Variants in ADCY2 observed in about 807,000 individuals in gnomAD.
ADCY2 encodes adenylate cyclase type 2.
ADCY2 carries 31 observed loss-of-function variants against 125.2 expected under a neutral mutation model. The ratio of observed to expected loss-of-function variants is 0.25; its 90% confidence interval spans 0.19 to 0.33. ADCY2 has a LOEUF of 0.33. Ranked by LOEUF, ADCY2 falls within the 10% of genes least tolerant of loss-of-function variation. ADCY2 has a pLI of 1.00. For missense variants in ADCY2, 904 were observed against 1,418.2 expected (o/e 0.64, Z 5.82); for synonymous variants, 512 against 548.4 (o/e 0.93, Z 0.93).
chr5:7,666,006 T>TG (rs1287410786), intron 4 of ADCY2, among the ~76,000 whole-genome samples: 2 of 150,122 alleles, frequency 1.3e-5, no homozygotes, highest in Non-Finnish European at 3.0e-5. Flanking sequence ...GCCCGGCTAA[T>TG]TTTTTGTATT....
At chr5:7,706,608 T>C (rs1579338585) in intron 7 of ADCY2, 136 bp from the exon 8 acceptor site, 1 of 948,708 alleles carries the variant, frequency 1.1e-6, no homozygotes. Context: ...AGGAGTGATC[T>C]CCTGCCATAG....
At chr5:7,640,873 T>G (rs1226721900) in intron 4 of ADCY2, among the ~76,000 whole-genome samples, 1 of 152,222 alleles carries the variant, frequency 6.6e-6, no homozygotes, top group Non-Finnish European at 1.5e-5. Context: ...TAGATTGTCT[T>G]CTAAGACTAA....
chr5:7,712,138 A>G (rs555034959), intron 10 of ADCY2, among the ~76,000 whole-genome samples: 1 of 152,306 alleles, frequency 6.6e-6, no homozygotes, highest in East Asian at 1.9e-4. Flanking sequence ...CTAAATCCAT[A>G]TCTTAATATA....
chr5:7,601,786 G>T (rs1579618451), intron 3 of ADCY2, among the ~76,000 whole-genome samples: 1 of 152,052 alleles, frequency 6.6e-6, no homozygotes, highest in Non-Finnish European at 1.5e-5. Flanking sequence ...TTTCCCTCCT[G>T]CTCCCTCAGC....
At chr5:7,471,719 C>G (rs1742344528) in intron 2 of ADCY2, among the ~76,000 whole-genome samples, 1 of 121,168 alleles carries the variant, frequency 8.3e-6, no homozygotes. Flanking sequence ...TACTGTAGCT[C>G]TGCTGGTGAT....
chr5:7,406,972 G>C (rs975109188), intron 1 of ADCY2, among the ~76,000 whole-genome samples: 1 of 152,138 alleles, frequency 6.6e-6, no homozygotes, highest in Non-Finnish European at 1.5e-5. Context: ...ACTTTTCCCT[G>C]TGCCATTTTG....
chr5:7,480,980 T>C (rs996231763), intron 2 of ADCY2, among the ~76,000 whole-genome samples: 2 of 152,172 alleles, frequency 1.3e-5, no homozygotes, highest in Admixed American at 6.5e-5. Context: ...GCCAATTTTC[T>C]CTTTTTGGGG....
At chr5:7,487,855 A>G (rs1411600810) in intron 2 of ADCY2, among the ~76,000 whole-genome samples, 3 of 152,184 alleles carry the variant, frequency 2.0e-5, no homozygotes, top group African/African-American at 4.8e-5. Context: ...TTCAGGACCA[A>G]AATATACATT....
chr5:7,693,413 G>GTTTTTTTTTTTTT (rs70940751), intron 5 of ADCY2, among the ~76,000 whole-genome samples: 11 of 32,394 alleles, frequency 3.4e-4, no homozygotes, highest in Admixed American at 8.1e-4. Context: ...GCTGTTTTTT[G>GTTTTTTTTTTTTT]TTTTTTTTTT....
At chr5:7,611,992 G>A (rs1439736106) in intron 3 of ADCY2, among the ~76,000 whole-genome samples, 2 of 152,136 alleles carry the variant, frequency 1.3e-5, no homozygotes, top group Admixed American at 1.3e-4. Flanking sequence ...GTAATAAGGG[G>A]TGCATGAGAC....
At chr5:7,596,608 C>T (rs941917015) in intron 3 of ADCY2, among the ~76,000 whole-genome samples, 1 of 152,142 alleles carries the variant, frequency 6.6e-6, no homozygotes, top group African/African-American at 2.4e-5. Flanking sequence ...GGGAGGTCAC[C>T]TCACACCTTT....
At chr5:7,653,764 A>G (rs972143851) in intron 4 of ADCY2, among the ~76,000 whole-genome samples, 19 of 152,224 alleles carry the variant, frequency 1.2e-4, no homozygotes, top group Non-Finnish European at 2.9e-5. Flanking sequence ...TTTAAACAAA[A>G]ATTGCCTTAG....
chr5:7,598,410 C>A (rs749980215), intron 3 of ADCY2, among the ~76,000 whole-genome samples: 76 of 152,156 alleles, frequency 5.0e-4, no homozygotes, highest in Non-Finnish European at 6.9e-4. Flanking sequence ...TGTACTTGAC[C>A]TTGTAGTTCT....
At chr5:7,758,206 G>A (rs555013419) in intron 16 of ADCY2, among the ~76,000 whole-genome samples, 1 of 152,308 alleles carries the variant, frequency 6.6e-6, no homozygotes, top group South Asian at 2.1e-4. Context: ...GATTCAATGA[G>A]CCAGTGTTCC....
At chr5:7,721,801 T>C (rs993983580) in intron 12 of ADCY2, among the ~76,000 whole-genome samples, 3 of 152,194 alleles carry the variant, frequency 2.0e-5, no homozygotes, top group African/African-American at 7.2e-5. Context: ...ACTGTAGTCT[T>C]GTAGTATAGT....
At chr5:7,515,257 A>G (rs1387977977) in intron 2 of ADCY2, among the ~76,000 whole-genome samples, 2 of 152,208 alleles carry the variant, frequency 1.3e-5, no homozygotes, top group Non-Finnish European at 2.9e-5. Context: ...TGGCTCCACA[A>G]AAGAGCTTTC....
rs184681969 is a variant in ADCY2, at chr5:7,754,557, A to G, written c.1957-2892A>G. Among the ~76,000 whole-genome samples, 433 of 152,326 alleles carry G rather than the reference A, an allele frequency of 2.8e-3. 11 individuals are homozygous for G. Among genetic ancestry groups the G allele is most frequent in the South Asian group, 4.1e-4 (2 of 4,824 alleles). On this transcript the variant is annotated intron_variant, in intron 15 of 24. Transcript: ENST00000338316. The stretch of plus-strand genomic sequence containing the variant: ...CTAACTGTAGTCAATCTGGATGTGA[A>G]TATATAAATACTGTCTTAATTTGTG...
At chr5:7,514,497 G>T (rs1237316834) in intron 2 of ADCY2, among the ~76,000 whole-genome samples, 1 of 152,312 alleles carries the variant, frequency 6.6e-6, no homozygotes, top group Non-Finnish European at 1.5e-5. Flanking sequence ...AAATACTTGA[G>T]ATCTAAACCC....
At chr5:7,695,884 T>C (rs1740874138) in intron 6 of ADCY2, 21 bp downstream of exon 6, 1 of 1,537,368 alleles carries the variant, frequency 6.5e-7, no homozygotes, top group East Asian at 2.3e-5. Flanking sequence ...TGGATTCTTT[T>C]CTTCTCTGAA....
Sources: gnomAD v4.1 joint callset for allele counts (sites outside exome capture counted in the v4.1 genomes callset) on GRCh38, gnomAD v4.1.1 for gene constraint, MANE v1.5 for transcripts, NCBI Gene and HGNC (gene_info 2026-07-23, HGNC 2026-07-21) for gene names.